The following POMK variants were observed in gnomAD, a reference collection of about 807,000 sequenced individuals.
POMK encodes Sugen kinase 196.
In POMK, 19 loss-of-function variants were observed where a neutral mutation model predicts 23.0. The observed-to-expected ratio is 0.83, with a 90% CI of 0.58 to 1.21. The LOEUF (loss-of-function observed/expected upper bound fraction) is 1.21. Among genes scored for constraint, POMK ranks in the 50% most tolerant of loss-of-function variants. The pLI is 0.00. For missense variants in POMK, 410 were observed against 431.3 expected, an observed-to-expected ratio of 0.95 and a Z score of 0.44; for synonymous variants, 173 against 171.6, an observed-to-expected ratio of 1.01 and a Z score of -0.06.
intron 1 of POMK, among the ~76,000 whole-genome samples, chr8:43,093,945 G>T (rs1811277504): frequency 6.6e-6 from 1 of 152,210 alleles, no homozygotes; most frequent in African/African-American, 2.4e-5. Flanking sequence ...GGGCGCGGTG[G>T]CGCCGCCTAT....
At chr8:43,118,052 A>G (rs1044566466) in intron 4 of POMK, among the ~76,000 whole-genome samples, 2 of 152,232 alleles carry the variant, frequency 1.3e-5, no homozygotes, top group African/African-American at 2.4e-5. Flanking sequence ...AATTATAGCT[A>G]CATAATAATC....
At chr8:43,103,399 G>T (rs1811481693) in intron 3 of POMK, 129 bp from the exon 4 acceptor site, 2 of 825,530 alleles carry the variant, frequency 2.4e-6, no homozygotes, top group Non-Finnish European at 3.9e-6. Flanking sequence ...TTCGATACCT[G>T]CTTTAATCCC....
chr8:43,094,891 T>TAA (rs1463706448), intron 1 of POMK, among the ~76,000 whole-genome samples: 5 of 152,218 alleles, frequency 3.3e-5, no homozygotes, highest in Non-Finnish European at 5.9e-5. Flanking sequence ...CCACCATCTT[T>TAA]ATTCCTTAAT....
At position 43,122,978 on chromosome 8, in the gene POMK, G is replaced by A; in HGVS notation, c.*101G>A. 1 of 1,077,582 alleles carries A rather than the reference G, an allele frequency of 9.3e-7. No homozygotes were observed. Among genetic ancestry groups the A allele is most frequent in the Non-Finnish European group, 1.3e-6 (1 of 753,488 alleles). The allele number at this position is 1,077,582 out of a possible 1,614,324, so 66.8% of individuals were successfully genotyped here. A position where few individuals can be genotyped will look rare whatever the true frequency, so the allele number is the denominator to read the frequency against. ...TTTTGCCTGAGTTTCGTGTTTTATT[G>A]TTTTTTTTATGGCTTAGCCATGTGG... On this transcript the variant is annotated 3_prime_UTR_variant, in exon 5 of 5. Transcript: ENST00000331373.
rs975862807 is a variant in POMK, at chr8:43,111,133, A to C, written c.282+7303A>C. Among the ~76,000 whole-genome samples the C allele has an allele frequency of 1.9e-4, 29 of 152,192 alleles. 1 individual carries two copies. Among genetic ancestry groups the C allele is most frequent in the African/African-American group, 7.0e-4 (29 of 41,514 alleles). ...CCGAAGCAGGGCGAGGCATTGCCCC[A>C]CCCGGGAAGCGTAAGGAGTCAGGGA... is the stretch of plus-strand genomic sequence containing the variant. On this transcript the variant is annotated intron_variant, in intron 4 of 4. Coordinates refer to ENST00000331373, the MANE Select transcript of POMK (RefSeq NM_032237.5).
chr8:43,123,074 T>G lies in POMK; in HGVS notation c.*197T>G. 1.8e-6 allele frequency: 1 copy of G among 563,128 alleles called. No individual in the cohort carries two copies. The highest frequency in any genetic ancestry group is 3.1e-6 in the Non-Finnish European group (1 of 319,332). The allele number at this position is 563,128 out of a possible 1,614,324, so 34.9% of individuals were successfully genotyped here. ...GTTGTTAGATTTTTTTTTTTTTCTT[T>G]GAGATGCGGTCTTGCTCTGTTGCTG... On this transcript the variant is annotated 3_prime_UTR_variant, in exon 5 of 5. Coordinates refer to ENST00000331373, the MANE Select transcript of POMK (RefSeq NM_032237.5).
rs757744253 is a variant in POMK at position 43,122,734 on chromosome 8, T to C, written c.910T>C (p.Phe304Leu). The change falls in exon 5 of 5, where the codon TTC becomes CTC. Residue 304 changes from phenylalanine to leucine, a missense_variant. By Grantham distance (22) the Phe-to-Leu change is conservative. Coordinates refer to ENST00000331373, the MANE Select transcript of POMK (RefSeq NM_032237.5). ...CATTGAAGGGAGTGATATGGTCCGA[T>C]TCCATTTGTTTGATATTCACAAAGC... ...GHIEGSDMVR[F>L]HLFDIHKACK... 3.5e-5 allele frequency: 56 copies of C among 1,614,092 alleles called. No homozygotes were observed. In the Admixed American group the frequency reaches 9.2e-4, roughly 26 times the overall value.
intron 2 of POMK, among the ~76,000 whole-genome samples, chr8:43,101,948 A>G (rs1204137489): frequency 6.6e-6 from 1 of 152,128 alleles, no homozygotes; most frequent in Non-Finnish European, 1.5e-5. Flanking sequence ...AGGAGGAGGT[A>G]GGAACAAGCT....
intron 4 of POMK, among the ~76,000 whole-genome samples, chr8:43,114,459 G>C (rs1184027083): frequency 1.3e-5 from 2 of 152,164 alleles, no homozygotes; most frequent in African/African-American, 4.8e-5. Flanking sequence ...TTAAGCCCGT[G>C]GGAAAAGTGC....
rs1226628885 is a variant in POMK, at chr8:43,122,817, C to A, written c.993C>A (p.Tyr331Ter). 1 of 1,613,898 alleles carries A rather than the reference C, an allele frequency of 6.2e-7. No individual in the cohort carries two copies. The highest frequency in any genetic ancestry group is 8.5e-7 in the Non-Finnish European group (1 of 1,179,992). The change falls in exon 5 of 5, where the codon TAC becomes TAA. Residue 331 changes from tyrosine to a stop codon, truncating the protein, a stop_gained. Coordinates refer to ENST00000331373, the MANE Select transcript of POMK (RefSeq NM_032237.5). LOFTEE classifies it high-confidence loss of function. Reference sequence around the variant, plus strand: ...CTGCCCAGGACGTTCTGGAGACCTACCAGAAGGTCTTGGATACACTTAGAG... The same window carrying A: ...CTGCCCAGGACGTTCTGGAGACCTAACAGAAGGTCTTGGATACACTTAGAG... ...RPTAQDVLET[Y>*]QKVLDTLRDA...
rs564356662 is a variant in POMK, at chr8:43,096,076, G to A, written c.-209-1448G>A. ...TGCAGAGTGACCAGGCAGTTGGTGC[G>A]TCTTTGCCGAGTACCCGCTGTGTGC... is the stretch of plus-strand genomic sequence containing the variant. On this transcript the variant is annotated intron_variant, in intron 1 of 4. Transcript: ENST00000331373. Among the ~76,000 whole-genome samples, 10 of 152,318 alleles carry A rather than the reference G, an allele frequency of 6.6e-5. No individual in the cohort carries two copies. The South Asian group carries it at 1.7e-3, about 25-fold the overall frequency.
intron 4 of POMK, among the ~76,000 whole-genome samples, chr8:43,108,071 G>A (rs1447576146): frequency 6.6e-6 from 1 of 152,188 alleles, no homozygotes; most frequent in Admixed American, 6.5e-5. Flanking sequence ...TTCTAAAGCT[G>A]AGTCCAGCCA....
chr8:43,097,770 A>G (rs1243457920), intron 2 of POMK, among the ~76,000 whole-genome samples, 155 bp downstream of exon 2: 2 of 152,184 alleles, frequency 1.3e-5, no homozygotes, highest in Admixed American at 6.5e-5. Context: ...ATCAAGTCAC[A>G]CACACCTGGT....
Position 43,122,176 on chromosome 8 carries a change from G to A in POMK, c.352G>A (p.Asp118Asn). 6.2e-7 allele frequency: 1 copy of A among 1,614,172 alleles called. No homozygotes were observed. Among genetic ancestry groups the A allele is most frequent in the Non-Finnish European group, 8.5e-7 (1 of 1,180,022 alleles). The part of the protein sequence containing the change: ...SQLTSLEMKD[D>N]FLHGLQMLKS... ...GCTCACCAGCCTGGAGATGAAAGAT[G>A]ATTTCCTCCATGGACTGCAGATGCT... Residue 118 changes from aspartate to asparagine, a missense_variant, in exon 5 of 5, where the codon GAT becomes AAT. Transcript: ENST00000331373.
At chr8:43,111,501 C>T (rs1161999851) in intron 4 of POMK, among the ~76,000 whole-genome samples, 1 of 152,208 alleles carries the variant, frequency 6.6e-6, no homozygotes, top group Non-Finnish European at 1.5e-5. Context: ...GGGGGCAGGG[C>T]ACAGACAAAC....
At chr8:43,100,935 C>T (rs1420061151) in intron 2 of POMK, among the ~76,000 whole-genome samples, 1 of 152,024 alleles carries the variant, frequency 6.6e-6, no homozygotes, top group Non-Finnish European at 1.5e-5. Context: ...GAGGCTGCTA[C>T]TGTGGGTTTA....
At chr8:43,096,312 G>T (rs948080446) in intron 1 of POMK, among the ~76,000 whole-genome samples, 1 of 152,192 alleles carries the variant, frequency 6.6e-6, no homozygotes, top group Non-Finnish European at 1.5e-5. Context: ...CCTGTGGGCC[G>T]AGTGGGGGGC....
Position 43,122,528 on chromosome 8 carries a change from A to T in POMK, c.704A>T (p.Asn235Ile). 4 of 1,614,176 alleles carry T rather than the reference A, an allele frequency of 2.5e-6. No individual in the cohort carries two copies. Among genetic ancestry groups the T allele is most frequent in the South Asian group, 1.1e-5 (1 of 91,068 alleles). The change falls in exon 5 of 5, where the codon AAC (asparagine) becomes ATC (isoleucine). Residue 235 changes from asparagine (N) to isoleucine (I), a missense_variant. By Grantham distance (149) the Asn-to-Ile change is moderately radical. Transcript: ENST00000331373. ...GACTTGGACGCCTTACCCCTGGTGA[A>T]CCACAGCTCCGGGATGCTGGTGAAG... ...ANDLDALPLVNHSSGMLVKCG... is the reference protein window; with the variant it reads ...ANDLDALPLVIHSSGMLVKCG...
At chr8:43,115,847 T>A (rs1255812185) in intron 4 of POMK, among the ~76,000 whole-genome samples, 1 of 152,154 alleles carries the variant, frequency 6.6e-6, no homozygotes, top group East Asian at 1.9e-4. Context: ...TCCCTCCAGC[T>A]CTCTCCTGCT....
Sources: gnomAD v4.1 joint callset for allele counts (sites outside exome capture counted in the v4.1 genomes callset) on GRCh38, gnomAD v4.1.1 for gene constraint, MANE v1.5 for transcripts, NCBI Gene and HGNC (gene_info 2026-07-23, HGNC 2026-07-21) for gene names.